The following ARPIN variants were observed in gnomAD, a reference collection of about 807,000 sequenced individuals.
The protein encoded by ARPIN is UPF0552 protein C15orf38.
Under a neutral mutation model 25.9 loss-of-function variants are expected in ARPIN, and 23 were observed. The observed-to-expected ratio is 0.89, with a 90% CI of 0.64 to 1.26. The LOEUF is 1.26. ARPIN is among the 50% of genes most tolerant of loss of function. ARPIN has a pLI of 0.00. For missense variants in ARPIN, 333 were observed against 312.2 expected (o/e 1.07, Z -0.50); for synonymous variants, 126 against 131.4 (o/e 0.96, Z 0.28).
In ARPIN at chr15:89,912,891, G is replaced by T; in HGVS notation, c.-56C>A. ...AGCCGGCGCACTGGGCTGGGGGCGC[G>T]GCGCGGGAAGTGCTGCAGGACGCGC... On this transcript the variant is annotated 5_prime_UTR_variant, in exon 1 of 6. Coordinates refer to ENST00000357484, the MANE Select transcript of ARPIN (RefSeq NM_182616.4). 6.8e-7 allele frequency: 1 copy of T among 1,464,448 alleles called. No homozygotes were observed. Among genetic ancestry groups the T allele is most frequent in the Admixed American group, 2.6e-5 (1 of 38,394 alleles). The allele number at this position is 1,464,448 out of a possible 1,614,324, so 90.7% of individuals were successfully genotyped here.
chr15:89,906,334 G>T (rs1311796703), intron 3 of ARPIN, among the ~76,000 whole-genome samples: 1 of 152,132 alleles, frequency 6.6e-6, no homozygotes, highest in Non-Finnish European at 1.5e-5. Context: ...CCTGCTGCCT[G>T]CCCTGCATGG....
chr15:89,912,455 G>C (rs1897241705), intron 1 of ARPIN: 2 of 1,230,452 alleles, frequency 1.6e-6, no homozygotes, highest in Admixed American at 9.0e-5. Flanking sequence ...CCGGAGGTCG[G>C]CGTGAGGCGA....
chr15:89,910,706 T>C, intron 2 of ARPIN, 38 bp downstream of exon 2: 1 of 1,613,322 alleles, frequency 6.2e-7, no homozygotes, highest in Non-Finnish European at 8.5e-7. Context: ...GACCGTGAAG[T>C]CAGTGCCCTC....
rs1374886809 is a variant in ARPIN, at chr15:89,908,432, G to C, written c.169-20C>G. ...GCGCTCCTGGGGCCAGGCAGACAGA[G>C]AGTGAGGGGGCGGCTTCATCCCACA... On this transcript the variant is annotated intron_variant, in intron 2 of 5. Transcript: ENST00000357484. 4 of 1,613,338 alleles carry C rather than the reference G, an allele frequency of 2.5e-6. No homozygotes were observed. The African/African-American group carries it at 4.0e-5, about 16-fold the overall frequency.
At chr15:89,905,670 G>A (rs1056806373) in intron 3 of ARPIN, among the ~76,000 whole-genome samples, 6 of 152,000 alleles carry the variant, frequency 3.9e-5, no homozygotes, top group African/African-American at 9.7e-5. Flanking sequence ...TTGGCTTCGC[G>A]GGGCTTTAGA....
At position 89,903,867 on chromosome 15, in the gene ARPIN, A is replaced by T; in HGVS notation, c.418T>A (p.Phe140Ile). Reference protein sequence around the residue: ...ESLTPDHTVAFWMPESEMEVM... With the variant: ...ESLTPDHTVAIWMPESEMEVM... ...TCCATCTCTGACTCGGGCATCCAGA[A>T]CGCCACTGTGTGGTCGGGGGTGAGG... Residue 140 changes from phenylalanine (F) to isoleucine (I), a missense_variant, in exon 4 of 6, where the codon TTC becomes ATC. Physicochemically the swap from Phe to Ile is conservative, Grantham distance 21 (BLOSUM62 0). Transcript: ENST00000357484. 6.2e-7 allele frequency: 1 copy of T among 1,614,050 alleles called. No individual in the cohort carries two copies. Among genetic ancestry groups the T allele is most frequent in the Non-Finnish European group, 8.5e-7 (1 of 1,180,020 alleles).
rs773686205 is a variant in ARPIN, at chr15:89,908,399, A to T, written c.182T>A (p.Val61Glu). 5.0e-6 allele frequency: 8 copies of T among 1,613,946 alleles called. No individual in the cohort carries two copies. In the Admixed American group the frequency reaches 5.0e-5, roughly 10 times the overall value. ...DTHGRKERYY[V>E]LYIRPSHIHR... ...GATGTGACTGGGCCGGATATACAGC[A>T]CGTAGTAGCGCTCCTGGGGCCAGGC... The change falls in exon 3 of 6, where the codon GTG (valine) becomes GAG (glutamate). Residue 61 changes from valine (V) to glutamate (E), a missense_variant. Val to Glu is a moderately radical substitution (Grantham distance 121, BLOSUM62 -2). Coordinates refer to ENST00000357484, the MANE Select transcript of ARPIN (RefSeq NM_182616.4).
chr15:89,903,176 C>A (rs753215436), intron 5 of ARPIN, 40 bp downstream of exon 5: 1 of 1,614,160 alleles, frequency 6.2e-7, no homozygotes, highest in South Asian at 1.1e-5. Context: ...GTACCATGCT[C>A]CTGCCAGGAG....
intron 2 of ARPIN, 79 bp from the exon 3 acceptor site, chr15:89,908,491 C>T: frequency 1.3e-6 from 2 of 1,584,018 alleles, no homozygotes; most frequent in South Asian, 2.3e-5. Context: ...TGCAGCCCCG[C>T]CAACCTCACA....
intron 2 of ARPIN, 132 bp downstream of exon 2, chr15:89,910,612 T>G (rs1477899366): frequency 6.5e-6 from 7 of 1,078,622 alleles, no homozygotes; most frequent in African/African-American, 3.1e-5. Flanking sequence ...CTGACCTACT[T>G]CCCACTTGCT....
chr15:89,895,936 T>TG lies in ARPIN; in HGVS notation c.*5858dup, dbSNP rs2141912254. Reference sequence around the variant, plus strand: ...TGGAGTCTCACTCTGTTGCCCAGGCTGGAGTGCAGTGGCACAATCTTGGCT... The same window carrying TG: ...TGGAGTCTCACTCTGTTGCCCAGGCTGGGAGTGCAGTGGCACAATCTTGGCT... On this transcript the variant is annotated 3_prime_UTR_variant, in exon 6 of 6. Transcript: ENST00000357484. The TG allele has an allele frequency of 6.6e-6, 1 of 152,582 alleles. No homozygotes were observed. The highest frequency in any genetic ancestry group is 2.1e-4 in the South Asian group (1 of 4,836). 9.5% of individuals were successfully genotyped at this position (152,582 alleles called of 1,614,324 possible).
intron 1 of ARPIN, 81 bp downstream of exon 1, chr15:89,912,663 T>TGTGGCCCCC: frequency 2.3e-6 from 2 of 871,110 alleles, no homozygotes; most frequent in Non-Finnish European, 2.8e-6. Flanking sequence ...CCCACCCGCA[T>TGTGGCCCCC]CCCACCCCCC....
chr15:89,912,663 T>TGTGGGCC, intron 1 of ARPIN, 81 bp downstream of exon 1: 2 of 871,102 alleles, frequency 2.3e-6, no homozygotes, highest in Non-Finnish European at 2.8e-6. Flanking sequence ...CCCACCCGCA[T>TGTGGGCC]CCCACCCCCC....
In ARPIN at chr15:89,912,866, A is replaced by G. The variant is rs550542442; in HGVS notation, c.-31T>C. Reference sequence around the variant, plus strand: ...CGACCGCCCGGGCACCCCGGCACAGAGCCGGCGCACTGGGCTGGGGGCGCG... The same window carrying G: ...CGACCGCCCGGGCACCCCGGCACAGGGCCGGCGCACTGGGCTGGGGGCGCG... On this transcript the variant is annotated 5_prime_UTR_variant, in exon 1 of 6. Transcript: ENST00000357484. 2.5e-4 allele frequency: 373 copies of G among 1,508,654 alleles called. 2 individuals carry two copies. The African/African-American group carries it at 5.1e-3, about 20-fold the overall frequency. The allele number at this position is 1,508,654 out of a possible 1,614,324, so 93.5% of individuals were successfully genotyped here.
At chr15:89,907,883 C>T (rs1897151217) in intron 3 of ARPIN, among the ~76,000 whole-genome samples, 1 of 152,110 alleles carries the variant, frequency 6.6e-6, no homozygotes, top group Non-Finnish European at 1.5e-5. Context: ...AATCACCCAG[C>T]CTAAGGTATT....
At chr15:89,907,418 A>G (rs932397750) in intron 3 of ARPIN, among the ~76,000 whole-genome samples, 1 of 152,184 alleles carries the variant, frequency 6.6e-6, no homozygotes, top group Non-Finnish European at 1.5e-5. Context: ...CTTAATCACC[A>G]ATGTGATAGT....
intron 5 of ARPIN, 76 bp downstream of exon 5, chr15:89,903,140 A>G: frequency 6.2e-7 from 1 of 1,613,872 alleles, no homozygotes; most frequent in African/African-American, 1.3e-5. Flanking sequence ...TCGTCTTCTC[A>G]TCCTACCCAC....
In ARPIN at chr15:89,899,481, G is replaced by A. The variant is rs1203421919; in HGVS notation, c.*2314C>T. The A allele has an allele frequency of 6.6e-6, 1 of 152,232 alleles. No individual in the cohort carries two copies. The highest frequency in any genetic ancestry group is 1.5e-5 in the Non-Finnish European group (1 of 68,090). 9.4% of individuals were successfully genotyped at this position (152,232 alleles called of 1,614,324 possible). A position where few individuals can be genotyped will look rare whatever the true frequency, so the allele number is the denominator to read the frequency against. On this transcript the variant is annotated 3_prime_UTR_variant, in exon 6 of 6. Transcript: ENST00000357484. ...CTTCTTAGCCACAGGCTGGGCTCCT[G>A]CTAAACAGCAGGTCACCCGGAAACA...
chr15:89,903,125 T>A, intron 5 of ARPIN, 91 bp downstream of exon 5: 1 of 1,612,632 alleles, frequency 6.2e-7, no homozygotes, highest in Admixed American at 1.7e-5. Context: ...GTAAGATTCA[T>A]CCTGTCGTCT....
Sources: gnomAD v4.1 joint callset for allele counts (sites outside exome capture counted in the v4.1 genomes callset) on GRCh38, gnomAD v4.1.1 for gene constraint, MANE v1.5 for transcripts, NCBI Gene and HGNC (gene_info 2026-07-23, HGNC 2026-07-21) for gene names.